PLOD2: variants seen among roughly 807,000 people sequenced by gnomAD.
PLOD2 encodes the protein lysine hydroxylase 2.
PLOD2 carries 65 observed loss-of-function variants against 101.0 expected under a neutral mutation model. That is an observed-to-expected ratio of 0.64 (90% CI 0.53 to 0.79). The LOEUF (loss-of-function observed/expected upper bound fraction) is 0.79, where lower values mean the gene tolerates loss of function less well. Ranked by LOEUF, PLOD2 falls within the 30% of genes least tolerant of loss-of-function variation. The pLI is 0.00. For missense variants in PLOD2, 909 were observed against 914.6 expected (o/e 0.99, Z 0.08); for synonymous variants, 314 against 302.9 (o/e 1.04, Z -0.38).
intron 3 of PLOD2, among the ~76,000 whole-genome samples, chr3:146,118,792 T>C (rs1049807503): frequency 2.0e-5 from 3 of 152,192 alleles, no homozygotes; most frequent in Admixed American, 6.5e-5. Flanking sequence ...CTTTCTAATG[T>C]CTCACTTGTA....
chr3:146,143,426 A>T lies in PLOD2; in HGVS notation c.109+17455T>A, dbSNP rs148984643. On this transcript the variant is annotated intron_variant, in intron 1 of 19. Transcript: ENST00000282903. ...CATCCTTAACTCCTGTTTTTCTCTC[A>T]CATTCCCCATCTAAGTTGACCACAA... 9.3e-4 allele frequency among the ~76,000 whole-genome samples: 142 copies of T among 152,116 alleles called. 1 individual carries two copies. The East Asian group carries it at 0.019, about 20-fold the overall frequency.
At chr3:146,149,378 T>C (rs1266302120) in intron 1 of PLOD2, among the ~76,000 whole-genome samples, 1 of 152,186 alleles carries the variant, frequency 6.6e-6, no homozygotes, top group Non-Finnish European at 1.5e-5. Flanking sequence ...TTATCAATTA[T>C]AGTTATTTTT....
rs1256060821 is a variant in PLOD2 at position 146,103,887 on chromosome 3, C to G, written c.679+392G>C. 2.0e-5 allele frequency among the ~76,000 whole-genome samples: 3 copies of G among 151,488 alleles called. No homozygotes were observed. In the East Asian group the frequency reaches 5.8e-4, roughly 29 times the overall value. On this transcript the variant is annotated intron_variant, in intron 6 of 19. Coordinates refer to ENST00000282903, the MANE Select transcript of PLOD2 (RefSeq NM_182943.3). ...CACACACTCTTCCCCAGTCTACTGT[C>G]TAGTTGTCACCAGTTATCTTTCAGC...
At chr3:146,117,583 G>A (rs556252078) in intron 3 of PLOD2, among the ~76,000 whole-genome samples, 31 of 152,140 alleles carry the variant, frequency 2.0e-4, no homozygotes, top group African/African-American at 7.2e-4. Context: ...TTTTTCCACA[G>A]GATAGTCATG....
intron 11 of PLOD2, among the ~76,000 whole-genome samples, chr3:146,084,434 TCTTA>T (rs1329610956): frequency 1.3e-5 from 2 of 152,114 alleles, no homozygotes; most frequent in Admixed American, 6.6e-5. Flanking sequence ...TTCCCATGTA[TCTTA>T]CTTAACAAAA....
chr3:146,081,696 A>G, intron 12 of PLOD2, 42 bp downstream of exon 12: 1 of 1,515,686 alleles, frequency 6.6e-7, no homozygotes. Flanking sequence ...ACATCTTTAG[A>G]TTATGGTATT....
At chr3:146,115,511 C>A (rs1937866024) in intron 3 of PLOD2, among the ~76,000 whole-genome samples, 1 of 152,076 alleles carries the variant, frequency 6.6e-6, no homozygotes, top group Admixed American at 6.6e-5. Flanking sequence ...CTTTCCATGG[C>A]CTATCTCATG....
At chr3:146,079,619 A>G (rs1936462246) in intron 12 of PLOD2, among the ~76,000 whole-genome samples, 1 of 151,998 alleles carries the variant, frequency 6.6e-6, no homozygotes, top group South Asian at 2.1e-4. Context: ...ATCATAACAT[A>G]CAACCAGTGG....
At chr3:146,120,252 T>C (rs2030003439) in intron 3 of PLOD2, among the ~76,000 whole-genome samples, 1 of 152,234 alleles carries the variant, frequency 6.6e-6, no homozygotes, top group Admixed American at 6.5e-5. Flanking sequence ...TTTTGAGAAG[T>C]GTCTGTTCAC....
intron 1 of PLOD2, among the ~76,000 whole-genome samples, chr3:146,157,978 C>G (rs60267871): frequency 0.32 from 49,000 of 152,020 alleles, 8,181 homozygotes; most frequent in South Asian, 0.42. Flanking sequence ...GAATGTGGTA[C>G]AAAAATACTG....
chr3:146,082,613 C>G lies in PLOD2; in HGVS notation c.1233-750G>C, dbSNP rs376505324. 1.0e-3 allele frequency among the ~76,000 whole-genome samples: 153 copies of G among 152,286 alleles called. 1 individual carries two copies. Among genetic ancestry groups the G allele is most frequent in the South Asian group, 2.1e-3 (10 of 4,826 alleles). On this transcript the variant is annotated intron_variant, in intron 11 of 19. Transcript: ENST00000282903. ...GTGAAATAAATAAACACACATCGGG[C>G]CCGGCGCAGTGGCTCATGCCTGTAA...
intron 1 of PLOD2, among the ~76,000 whole-genome samples, chr3:146,136,514 G>C (rs1025910219): frequency 2.0e-5 from 3 of 152,088 alleles, no homozygotes; most frequent in African/African-American, 7.2e-5. Flanking sequence ...GTTGAGACTT[G>C]GGTCCCATCC....
chr3:146,157,805 GAAAGTACAGAGGAC>G (rs1318902726), intron 1 of PLOD2, among the ~76,000 whole-genome samples: 2 of 152,206 alleles, frequency 1.3e-5, no homozygotes, highest in East Asian at 3.9e-4. Context: ...ACAGAATACA[GAAAGTACAGAGGAC>G]AAGACCCTCT....
chr3:146,091,720 C>T (rs1936974222), intron 8 of PLOD2, 80 bp downstream of exon 8: 7 of 806,262 alleles, frequency 8.7e-6, no homozygotes, highest in South Asian at 2.8e-5. Flanking sequence ...AAATAATTTG[C>T]CTTTTTTCCT....
At chr3:146,142,527 G>A (rs1390535672) in intron 1 of PLOD2, among the ~76,000 whole-genome samples, 1 of 152,022 alleles carries the variant, frequency 6.6e-6, no homozygotes, top group East Asian at 1.9e-4. Flanking sequence ...CTACATGGTA[G>A]ATGTACTTTC....
chr3:146,090,997 A>T (rs145384181), intron 8 of PLOD2, among the ~76,000 whole-genome samples: 5 of 152,022 alleles, frequency 3.3e-5, no homozygotes, highest in Admixed American at 6.6e-5. Flanking sequence ...TGGAATAAAA[A>T]TGTTGTTGTA....
rs372187707 is a variant in PLOD2, at chr3:146,104,260, C to T, written c.679+19G>A. ...TGTTTGTTTGTATACGTAAGCAATC[C>T]GGTATTTAGGAAGCATACCTACAGC... On this transcript the variant is annotated intron_variant, in intron 6 of 19. Transcript: ENST00000282903. 16 of 1,482,962 alleles carry T rather than the reference C, an allele frequency of 1.1e-5. No homozygotes were observed. Among genetic ancestry groups the T allele is most frequent in the Non-Finnish European group, 1.2e-5 (13 of 1,060,456 alleles). 91.9% of individuals were successfully genotyped at this position (1,482,962 alleles called of 1,614,324 possible).
At chr3:146,101,726 G>T (rs1421784367) in intron 7 of PLOD2, among the ~76,000 whole-genome samples, 1 of 152,162 alleles carries the variant, frequency 6.6e-6, no homozygotes, top group Non-Finnish European at 1.5e-5. Flanking sequence ...GTTCTACCTT[G>T]TGTTGGCTTG....
chr3:146,111,565 A>G (rs530059029), intron 3 of PLOD2, among the ~76,000 whole-genome samples: 1 of 152,346 alleles, frequency 6.6e-6, no homozygotes, highest in Non-Finnish European at 1.5e-5. Context: ...AAGGGACTAC[A>G]GTAAAGGGAG....
Sources: gnomAD v4.1 joint callset for allele counts (sites outside exome capture counted in the v4.1 genomes callset) on GRCh38, gnomAD v4.1.1 for gene constraint, MANE v1.5 for transcripts, NCBI Gene and HGNC (gene_info 2026-07-23, HGNC 2026-07-21) for gene names.